The following RCBTB1 variants were observed in gnomAD, a reference collection of about 807,000 sequenced individuals.
RCBTB1 encodes the protein RCC1 and BTB domain containing protein 1.
In RCBTB1, 46 loss-of-function variants were observed where a neutral mutation model predicts 62.4. The observed-to-expected ratio is 0.74, with a 90% CI of 0.58 to 0.94. The LOEUF (loss-of-function observed/expected upper bound fraction) is 0.94, where lower values mean the gene tolerates loss of function less well. RCBTB1 is among the 40% of genes least tolerant of loss of function. The pLI is 0.00. For missense variants in RCBTB1, 565 were observed against 654.9 expected, an observed-to-expected ratio of 0.86 and a Z score of 1.50; for synonymous variants, 222 against 245.8, an observed-to-expected ratio of 0.90 and a Z score of 0.91.
intron 4 of RCBTB1, among the ~76,000 whole-genome samples, chr13:49,565,826 G>C (rs566242009): frequency 3.1e-4 from 47 of 152,082 alleles, no homozygotes; most frequent in Non-Finnish European, 6.0e-4. Flanking sequence ...ATAGAAAAGG[G>C]GGAAATGTGG....
chr13:49,558,849 T>C (rs1306943420), intron 5 of RCBTB1, among the ~76,000 whole-genome samples: 1 of 152,228 alleles, frequency 6.6e-6, no homozygotes, highest in Non-Finnish European at 1.5e-5. Context: ...CTTGTAATTT[T>C]TGCTTTGCAA....
intron 9 of RCBTB1, chr13:49,547,027 GC>G: frequency 3.3e-6 from 4 of 1,203,482 alleles, no homozygotes; most frequent in Non-Finnish European, 4.2e-6. Context: ...ACTGGGGGAA[GC>G]CTTTTATAAC....
intron 1 of RCBTB1, among the ~76,000 whole-genome samples, chr13:49,581,514 C>T (rs2073870660): frequency 6.6e-6 from 1 of 152,158 alleles, no homozygotes; most frequent in African/African-American, 2.4e-5. Flanking sequence ...GGACAAGTCC[C>T]AACAGATGGA....
intron 6 of RCBTB1, among the ~76,000 whole-genome samples, chr13:49,552,864 A>C (rs1461884372): frequency 6.6e-6 from 1 of 151,952 alleles, no homozygotes; most frequent in African/African-American, 2.4e-5. Flanking sequence ...GCTTGGCTGG[A>C]CACAACTGCG....
chr13:49,540,787 A>T, intron 12 of RCBTB1, 89 bp downstream of exon 12: 1 of 1,423,506 alleles, frequency 7.0e-7, no homozygotes, highest in Non-Finnish European at 9.5e-7. Flanking sequence ...GGAGTGACTC[A>T]TCGTTTTCCA....
chr13:49,552,144 G>A (rs1404525330), intron 7 of RCBTB1, 34 bp downstream of exon 7: 9 of 1,346,454 alleles, frequency 6.7e-6, no homozygotes, highest in Non-Finnish European at 8.3e-6. Context: ...GAAGGTAGAT[G>A]GGAAGCCACT....
Position 49,552,280 on chromosome 13 carries a change from A to C in RCBTB1, c.609T>G (p.Tyr203Ter), listed in dbSNP as rs923693734. The C allele has an allele frequency of 6.3e-7, 1 of 1,595,680 alleles. No homozygotes were observed. The highest frequency in any genetic ancestry group is 8.6e-7 in the Non-Finnish European group (1 of 1,168,276). Residue 203 changes from tyrosine to a stop codon, truncating the protein, a stop_gained, in exon 7 of 13, where the codon TAT becomes TAG. Coordinates refer to ENST00000378302, the MANE Select transcript of RCBTB1 (RefSeq NM_018191.4). LOFTEE classifies it high-confidence loss of function. ...GACCGTTGCCATTGTAACCCCAGCCATATACCTTAGAGAGGACAGAAGGGA... is the reference window on the plus strand; with the variant it reads ...GACCGTTGCCATTGTAACCCCAGCCCTATACCTTAGAGAGGACAGAAGGGA... ...SMAVLDNGEV[Y>*]GWGYNGNGQL... is the part of the protein sequence containing the mutation.
At chr13:49,581,327 A>G (rs1431409075) in intron 1 of RCBTB1, among the ~76,000 whole-genome samples, 1 of 152,236 alleles carries the variant, frequency 6.6e-6, no homozygotes. Context: ...CAACTGGCTG[A>G]ATGGGACAAG....
chr13:49,541,525 C>A, intron 11 of RCBTB1, 151 bp downstream of exon 11: 1 of 686,802 alleles, frequency 1.5e-6, no homozygotes. Flanking sequence ...AATAACTACA[C>A]AATACTACTT....
intron 9 of RCBTB1, among the ~76,000 whole-genome samples, chr13:49,548,906 G>A (rs1961067687): frequency 7.3e-6 from 1 of 137,254 alleles, no homozygotes; most frequent in Admixed American, 6.9e-5. Flanking sequence ...ACAGTGGCAG[G>A]TGGATCACCT....
intron 2 of RCBTB1, among the ~76,000 whole-genome samples, chr13:49,568,105 A>G (rs1392849320): frequency 6.6e-6 from 1 of 152,224 alleles, no homozygotes; most frequent in Non-Finnish European, 1.5e-5. Flanking sequence ...GTGCTCATGG[A>G]AGCACTACAT....
intron 6 of RCBTB1, among the ~76,000 whole-genome samples, chr13:49,553,724 G>C (rs956830918): frequency 1.3e-5 from 2 of 152,164 alleles, no homozygotes; most frequent in Non-Finnish European, 2.9e-5. Context: ...GGAGCGGAAA[G>C]GGGGAATGGA....
intron 5 of RCBTB1, among the ~76,000 whole-genome samples, chr13:49,557,152 C>T (rs1961988312): frequency 2.0e-5 from 3 of 152,176 alleles, no homozygotes; most frequent in African/African-American, 7.2e-5. Flanking sequence ...TCTGTAACAT[C>T]ACTGAGGGAC....
chr13:49,545,723 C>T (rs1053936638), intron 9 of RCBTB1, among the ~76,000 whole-genome samples: 3 of 152,130 alleles, frequency 2.0e-5, no homozygotes, highest in African/African-American at 7.2e-5. Flanking sequence ...TATGGATACA[C>T]GAAGCAGGTT....
At chr13:49,545,519 TAAG>T (rs1260866296) in intron 9 of RCBTB1, among the ~76,000 whole-genome samples, 8 of 152,216 alleles carry the variant, frequency 5.3e-5, no homozygotes, top group East Asian at 3.8e-4. Flanking sequence ...CCTTACCTGA[TAAG>T]AAGAATTGCT....
intron 4 of RCBTB1, among the ~76,000 whole-genome samples, chr13:49,564,890 CAAA>C (rs35078637): frequency 4.2e-5 from 6 of 141,670 alleles, no homozygotes; most frequent in African/African-American, 1.5e-4. Flanking sequence ...GACTCCGTCT[CAAA>C]AAAAAAAAGA....
At chr13:49,569,521 G>T (rs61961404) in intron 2 of RCBTB1, among the ~76,000 whole-genome samples, 1 of 151,828 alleles carries the variant, frequency 6.6e-6, no homozygotes, top group Non-Finnish European at 1.5e-5. Context: ...TGACCAGCCT[G>T]GCAAACATAG....
chr13:49,560,603 T>C (rs925401068), intron 4 of RCBTB1, among the ~76,000 whole-genome samples: 2 of 101,074 alleles, frequency 2.0e-5, no homozygotes, highest in African/African-American at 8.0e-5. Flanking sequence ...TGGCATGAAA[T>C]CTGGCTGAAT....
intron 5 of RCBTB1, among the ~76,000 whole-genome samples, chr13:49,558,695 C>CA (rs1186659232): frequency 0.048 from 2,823 of 58,710 alleles, 75 homozygotes; most frequent in East Asian, 0.16. Flanking sequence ...ACTCTGTCTC[C>CA]AAAAAAAAAA....
Sources: gnomAD v4.1 joint callset for allele counts (sites outside exome capture counted in the v4.1 genomes callset) on GRCh38, gnomAD v4.1.1 for gene constraint, MANE v1.5 for transcripts, NCBI Gene and HGNC (gene_info 2026-07-23, HGNC 2026-07-21) for gene names.